PPP1R14A: variants seen among roughly 807,000 people sequenced by gnomAD.
PPP1R14A encodes protein phosphatase 1 regulatory subunit 14A.
PPP1R14A carries 9 observed loss-of-function variants against 14.1 expected under a neutral mutation model. The observed-to-expected ratio is 0.64, with a 90% CI of 0.38 to 1.11. The LOEUF (loss-of-function observed/expected upper bound fraction) is 1.11, where lower values mean the gene tolerates loss of function less well. PPP1R14A is among the 50% of genes most tolerant of loss of function. PPP1R14A has a pLI of 0.01. For missense variants in PPP1R14A, 208 were observed against 200.7 expected, an observed-to-expected ratio of 1.04 and a Z score of -0.22; for synonymous variants, 93 against 88.7, an observed-to-expected ratio of 1.05 and a Z score of -0.27.
Position 38,252,325 on chromosome 19 carries a change from G to A in PPP1R14A, c.296C>T (p.Ser99Leu). ...ACTCACCTCGACAGGTTTCCCACAT[G>A]ACTTCAGGAGTCCCTAAAACCCCCA... The part of the protein sequence containing the change: ...RSRKIQGLLK[S>L]CGKPVEDFIQ... Residue 99 changes from serine (S) to leucine (L), a missense_variant, in exon 3 of 4, where the codon TCA becomes TTA. Physicochemically the swap from Ser to Leu is moderately radical, Grantham distance 145 (BLOSUM62 -2). Transcript: ENST00000301242. The surrounding 1 kb of genome is among the most constrained non-coding windows in gnomAD (Gnocchi z 4.1). 6.2e-7 allele frequency: 1 copy of A among 1,612,650 alleles called. No homozygotes were observed. The highest frequency in any genetic ancestry group is 8.5e-7 in the Non-Finnish European group (1 of 1,179,458).
intron 1 of PPP1R14A, among the ~76,000 whole-genome samples, chr19:38,254,307 C>T (rs1228775823): frequency 6.6e-6 from 1 of 150,944 alleles, no homozygotes; most frequent in Non-Finnish European, 1.5e-5. Flanking sequence ...ATCTCTTTTT[C>T]TTTTTTCTTT....
intron 3 of PPP1R14A, 130 bp from the exon 4 acceptor site, chr19:38,251,576 G>A: frequency 1.6e-6 from 1 of 626,264 alleles, no homozygotes; most frequent in Non-Finnish European, 2.6e-6. Context: ...GTTAGGGGCG[G>A]AGGCTATAGA....
At chr19:38,255,031 G>A (rs1968231294) in intron 1 of PPP1R14A, among the ~76,000 whole-genome samples, 2 of 151,720 alleles carry the variant, frequency 1.3e-5, no homozygotes, top group East Asian at 2.0e-4. Context: ...TGATCCGCCC[G>A]CCTCGGCCTC....
chr19:38,252,201 G>A lies in PPP1R14A; in HGVS notation c.315+105C>T. The A allele has an allele frequency of 2.7e-6, 3 of 1,127,830 alleles. No individual in the cohort carries two copies. The highest frequency in any genetic ancestry group is 2.0e-5 in the Admixed American group (1 of 49,520). The allele number at this position is 1,127,830 out of a possible 1,614,324, so 69.9% of individuals were successfully genotyped here. A position where few individuals can be genotyped will look rare whatever the true frequency, so the allele number is the denominator to read the frequency against. On this transcript the variant is annotated intron_variant, in intron 3 of 3. Transcript: ENST00000301242. The surrounding 1 kb of genome is among the most constrained non-coding windows in gnomAD (Gnocchi z 4.1). Reference sequence around the variant, plus strand: ...GGGCAGGTTGGGGCCGGGGGTGGTGGGGCCGGGTGGTGTTCCCCAGAGACC... The same window carrying A: ...GGGCAGGTTGGGGCCGGGGGTGGTGAGGCCGGGTGGTGTTCCCCAGAGACC...
chr19:38,252,023 C>T lies in PPP1R14A; in HGVS notation c.315+283G>A, dbSNP rs1055391314. 4.6e-5 allele frequency: 24 copies of T among 519,306 alleles called. No individual in the cohort carries two copies. Among genetic ancestry groups the T allele is most frequent in the Non-Finnish European group, 7.2e-5 (21 of 289,838 alleles). The allele number at this position is 519,306 out of a possible 1,614,324, so 32.2% of individuals were successfully genotyped here. On this transcript the variant is annotated intron_variant, in intron 3 of 3. Transcript: ENST00000301242. This position sits in a 1 kb window ranked among gnomAD's most constrained non-coding sequence, Gnocchi z 4.1. ...GGGGAGGACAGAGGGAGACTGAGCCCGAAGGCTGGTGGCCAAAGGACAGGC... is the reference window on the plus strand; with the variant it reads ...GGGGAGGACAGAGGGAGACTGAGCCTGAAGGCTGGTGGCCAAAGGACAGGC...
chr19:38,253,978 G>A (rs1428559457), intron 1 of PPP1R14A, among the ~76,000 whole-genome samples: 1 of 152,212 alleles, frequency 6.6e-6, no homozygotes, highest in East Asian at 1.9e-4. Context: ...ACAGTCAGCT[G>A]TGGGGCCCAC....
chr19:38,253,721 G>A (rs537622456), intron 1 of PPP1R14A, among the ~76,000 whole-genome samples: 2 of 152,338 alleles, frequency 1.3e-5, no homozygotes, highest in South Asian at 2.1e-4. Context: ...CCCAAAGTCC[G>A]GCTGTCGGCT....
At chr19:38,251,512 C>A in intron 3 of PPP1R14A, 66 bp from the exon 4 acceptor site, 7 of 1,474,476 alleles carry the variant, frequency 4.7e-6, no homozygotes, top group Non-Finnish European at 6.2e-6. Context: ...CCCTGTCCAG[C>A]CCAGTCCCTG....
chr19:38,254,164 G>A (rs746764098), intron 1 of PPP1R14A, among the ~76,000 whole-genome samples: 17 of 152,310 alleles, frequency 1.1e-4, no homozygotes, highest in Non-Finnish European at 2.2e-4. Context: ...TGTGTACACT[G>A]TAGCATACAG....
In PPP1R14A at chr19:38,251,388, C is replaced by T. The variant is rs201166412; in HGVS notation, c.374G>A (p.Arg125His). 1.3e-5 allele frequency: 20 copies of T among 1,553,368 alleles called. No individual in the cohort carries two copies. Among genetic ancestry groups the T allele is most frequent in the Non-Finnish European group, 1.7e-5 (20 of 1,159,366 alleles). ...GCCGTCGTGGGAGGGGCTTGGCTGG[C>T]GGAGGCCGGGCTGCCTGTGGAGGCC... The part of the protein sequence containing the change: ...LQGLHRQPGL[R>H]QPSPSHDGSL... Residue 125 changes from arginine to histidine, a missense_variant, in exon 4 of 4, where the codon CGC (arginine) becomes CAC (histidine). Arg to His is a conservative substitution (Grantham distance 29). Coordinates refer to ENST00000301242, the MANE Select transcript of PPP1R14A (RefSeq NM_033256.3).
At chr19:38,253,282 G>C (rs888210071) in intron 1 of PPP1R14A, 6 of 311,786 alleles carry the variant, frequency 1.9e-5, no homozygotes, top group Admixed American at 1.4e-4. Context: ...AACAGGCCTA[G>C]TGGAGTCCTG....
chr19:38,251,996 CA>C (rs1968195847), intron 3 of PPP1R14A: 1 of 455,640 alleles, frequency 2.2e-6, no homozygotes, highest in Non-Finnish European at 3.9e-6. Flanking sequence ...GAGGCAGTGA[CA>C]GGGGAGGACA....
At chr19:38,255,154 C>T (rs924929930) in intron 1 of PPP1R14A, among the ~76,000 whole-genome samples, 25 of 151,814 alleles carry the variant, frequency 1.6e-4, no homozygotes, top group Non-Finnish European at 3.5e-4. Flanking sequence ...GACACGGTCT[C>T]GCTCTGTTGC....
chr19:38,253,910 C>A (rs969571385), intron 1 of PPP1R14A, among the ~76,000 whole-genome samples: 1 of 152,170 alleles, frequency 6.6e-6, no homozygotes, highest in South Asian at 2.1e-4. Flanking sequence ...GGACTGTGGT[C>A]CTGCAGGTGT....
Position 38,252,485 on chromosome 19 carries a change from G to T in PPP1R14A, c.283-147C>A. 2 of 806,558 alleles carry T rather than the reference G, an allele frequency of 2.5e-6. No homozygotes were observed. The highest frequency in any genetic ancestry group is 3.1e-5 in the South Asian group (2 of 63,978). 50.0% of individuals were successfully genotyped at this position (806,558 alleles called of 1,614,324 possible). On this transcript the variant is annotated intron_variant, in intron 2 of 3. Transcript: ENST00000301242. The surrounding 1 kb of genome is among the most constrained non-coding windows in gnomAD (Gnocchi z 4.1). ...GACTGCCCACCAAGCTTCAAGAGAG[G>T]AACAGAGCCCAAGGGGCATGTGGAT...
At chr19:38,253,849 G>A (rs1968217816) in intron 1 of PPP1R14A, among the ~76,000 whole-genome samples, 1 of 152,244 alleles carries the variant, frequency 6.6e-6, no homozygotes. Flanking sequence ...AGGGCCTGGG[G>A]CTGGCCGAGG....
chr19:38,256,063 A>T lies in PPP1R14A; in HGVS notation c.201+76T>A. The T allele has an allele frequency of 2.0e-5, 26 of 1,327,490 alleles. No homozygotes were observed. Among genetic ancestry groups the T allele is most frequent in the Middle Eastern group, 2.6e-4 (1 of 3,854 alleles). 82.2% of individuals were successfully genotyped at this position (1,327,490 alleles called of 1,614,324 possible). A position where few individuals can be genotyped will look rare whatever the true frequency, so the allele number is the denominator to read the frequency against. ...GCCGTGCACCAGCGAGTGTGCACCG[A>T]GACCCCAAGGGCGTGGGGTCTCCGC... On this transcript the variant is annotated intron_variant, in intron 1 of 3. Coordinates refer to ENST00000301242, the MANE Select transcript of PPP1R14A (RefSeq NM_033256.3). The surrounding 1 kb of genome is among the most constrained non-coding windows in gnomAD (Gnocchi z 5.7).
At position 38,252,504 on chromosome 19, in the gene PPP1R14A, T is replaced by C. The variant is rs373370790; in HGVS notation, c.283-166A>G. ...AGAGAGGAACAGAGCCCAAGGGGCA[T>C]GTGGATCGACTCAGGGCAGGGGTGA... is the stretch of plus-strand genomic sequence containing the variant. On this transcript the variant is annotated intron_variant, in intron 2 of 3. Coordinates refer to ENST00000301242, the MANE Select transcript of PPP1R14A (RefSeq NM_033256.3). This position sits in a 1 kb window ranked among gnomAD's most constrained non-coding sequence, Gnocchi z 4.1. Among the ~76,000 whole-genome samples the C allele has an allele frequency of 1.8e-3, 272 of 152,000 alleles. No homozygotes were observed. Among genetic ancestry groups the C allele is most frequent in the African/African-American group, 5.2e-3 (215 of 41,450 alleles).
At position 38,251,295 on chromosome 19, in the gene PPP1R14A, G is replaced by T. The variant is rs768139553; in HGVS notation, c.*23C>A. 1 of 1,443,108 alleles carries T rather than the reference G, an allele frequency of 6.9e-7. No homozygotes were observed. The allele number at this position is 1,443,108 out of a possible 1,614,324, so 89.4% of individuals were successfully genotyped here. On this transcript the variant is annotated 3_prime_UTR_variant, in exon 4 of 4. Transcript: ENST00000301242. ...CACAAGCAAGCTGGGCGGCGTCCGG[G>T]GGGCAGGGAGAGTGCAAGAGGGTCA...
Sources: gnomAD v4.1 joint callset for allele counts (sites outside exome capture counted in the v4.1 genomes callset) on GRCh38, gnomAD v4.1.1 for gene constraint, Gnocchi (gnomAD v3.1) non-coding constraint, MANE v1.5 for transcripts, NCBI Gene and HGNC (gene_info 2026-07-23, HGNC 2026-07-21) for gene names.